Variants in SPAG16 observed in about 807,000 individuals in gnomAD.
SPAG16 encodes the protein sperm-associated antigen 16 protein.
A neutral mutation model predicts 80.4 loss-of-function variants in SPAG16; 86 were observed. The observed-to-expected ratio is 1.07, with a 90% CI of 0.90 to 1.28. The LOEUF (loss-of-function observed/expected upper bound fraction) is 1.28, where lower values mean the gene tolerates loss of function less well. Among genes scored for constraint, SPAG16 ranks in the 50% most tolerant of loss-of-function variants. The pLI is 0.00. For missense variants in SPAG16, 870 were observed against 765.3 expected (o/e 1.14, Z -1.61); for synonymous variants, 294 against 265.9 (o/e 1.11, Z -1.03).
At chr2:213,961,839 T>A (rs979402308) in intron 12 of SPAG16, among the ~76,000 whole-genome samples, 1 of 151,948 alleles carries the variant, frequency 6.6e-6, no homozygotes, top group South Asian at 2.1e-4. Flanking sequence ...TGATCTATGG[T>A]TTTTTTTCTT....
Position 214,277,593 on chromosome 2 carries a change from G to C in SPAG16, c.1720+128327G>C, listed in dbSNP as rs557486948. Among the ~76,000 whole-genome samples, 3 of 149,540 alleles carry C rather than the reference G, an allele frequency of 2.0e-5. No individual in the cohort carries two copies. The South Asian group carries it at 6.4e-4, about 32-fold the overall frequency. On this transcript the variant is annotated intron_variant, in intron 15 of 15. Transcript: ENST00000331683. ...TTGCTGGAGGTCCACTCCAGACCCTGTTTGCCTGGGTATCACCAGCGGAGG... is the reference window on the plus strand; with the variant it reads ...TTGCTGGAGGTCCACTCCAGACCCTCTTTGCCTGGGTATCACCAGCGGAGG...
At chr2:213,824,645 C>CT (rs1460711949) in intron 10 of SPAG16, among the ~76,000 whole-genome samples, 1 of 152,030 alleles carries the variant, frequency 6.6e-6, no homozygotes, top group African/African-American at 2.4e-5. Flanking sequence ...TACTTTAGGT[C>CT]TGTAGTATAG....
chr2:214,205,470 A>G (rs905775125), intron 15 of SPAG16, among the ~76,000 whole-genome samples: 1 of 152,210 alleles, frequency 6.6e-6, no homozygotes, highest in Non-Finnish European at 1.5e-5. Context: ...TCAATTTTAT[A>G]TTTGTGACTT....
intron 12 of SPAG16, among the ~76,000 whole-genome samples, chr2:214,011,834 C>T (rs1490766452): frequency 6.6e-6 from 1 of 152,028 alleles, no homozygotes; most frequent in African/African-American, 2.4e-5. Flanking sequence ...TATTCATATA[C>T]ATGCAAATTT....
At chr2:213,353,859 A>C (rs1014270228) in intron 7 of SPAG16, among the ~76,000 whole-genome samples, 1 of 152,140 alleles carries the variant, frequency 6.6e-6, no homozygotes, top group South Asian at 2.1e-4. Context: ...CACCCTAAAA[A>C]TATCCCAATT....
intron 6 of SPAG16, among the ~76,000 whole-genome samples, chr2:213,344,643 C>T (rs1238061350): frequency 6.6e-6 from 1 of 151,936 alleles, no homozygotes; most frequent in Non-Finnish European, 1.5e-5. Context: ...GGTTTTTTGT[C>T]CTTGCAATAG....
rs537528227 is a variant in SPAG16 at position 213,940,105 on chromosome 2, T to A, written c.1400+9960T>A. Among the ~76,000 whole-genome samples the A allele has an allele frequency of 2.0e-5, 3 of 152,310 alleles. No homozygotes were observed. The South Asian group carries it at 6.2e-4, about 32-fold the overall frequency. Reference sequence around the variant, plus strand: ...ATGCATTTGAAAAGGTACAAAATTTTAAACTAGAAACACAAAACATATAAT... The same window carrying A: ...ATGCATTTGAAAAGGTACAAAATTTAAAACTAGAAACACAAAACATATAAT... On this transcript the variant is annotated intron_variant, in intron 12 of 15. Coordinates refer to ENST00000331683, the MANE Select transcript of SPAG16 (RefSeq NM_024532.5).
At chr2:213,698,462 A>G (rs1055729278) in intron 10 of SPAG16, among the ~76,000 whole-genome samples, 1 of 152,020 alleles carries the variant, frequency 6.6e-6, no homozygotes, top group Non-Finnish European at 1.5e-5. Flanking sequence ...AGGTCTCACC[A>G]TGTTGCCCAG....
At chr2:214,396,777 TTTC>T (rs767669799) in intron 15 of SPAG16, among the ~76,000 whole-genome samples, 4 of 152,126 alleles carry the variant, frequency 2.6e-5, no homozygotes, top group Non-Finnish European at 4.4e-5. Flanking sequence ...TTAAAAATGA[TTTC>T]TTTAGAAATA....
rs541785557 is a variant in SPAG16 at position 213,950,537 on chromosome 2, C to T, written c.1400+20392C>T. The stretch of plus-strand genomic sequence containing the variant: ...AAAGGTGTGTGGGGCATTGTACTAA[C>T]ATCAGTAGCTTCTAAATTGCCTTTG... On this transcript the variant is annotated intron_variant, in intron 12 of 15. Coordinates refer to ENST00000331683, the MANE Select transcript of SPAG16 (RefSeq NM_024532.5). Among the ~76,000 whole-genome samples, 29 of 152,194 alleles carry T rather than the reference C, an allele frequency of 1.9e-4. No homozygotes were observed. The South Asian group carries it at 6.0e-3, about 32-fold the overall frequency.
chr2:214,066,482 A>G (rs920505639), intron 13 of SPAG16, among the ~76,000 whole-genome samples: 1 of 152,112 alleles, frequency 6.6e-6, no homozygotes, highest in African/African-American at 2.4e-5. Flanking sequence ...ACTTATACCT[A>G]CATTTATTGC....
chr2:213,585,013 AC>A (rs200556981), intron 10 of SPAG16, among the ~76,000 whole-genome samples: 6,920 of 151,896 alleles, frequency 0.046, 233 homozygotes, highest in Middle Eastern at 0.075. Flanking sequence ...ACATGGCGAA[AC>A]CCCATCTCTA....
intron 9 of SPAG16, among the ~76,000 whole-genome samples, chr2:213,441,104 A>G (rs578121613): frequency 1.1e-4 from 17 of 152,340 alleles, no homozygotes; most frequent in Non-Finnish European, 2.5e-4. Context: ...ATATGCATAC[A>G]TTATAATACA....
At chr2:213,857,645 A>G (rs961473307) in intron 10 of SPAG16, among the ~76,000 whole-genome samples, 3 of 152,176 alleles carry the variant, frequency 2.0e-5, no homozygotes, top group Non-Finnish European at 2.9e-5. Context: ...AAGGAGACAA[A>G]TGTTATTTTC....
In SPAG16 at chr2:213,473,750, C is replaced by T. The variant is rs186730348; in HGVS notation, c.943-16213C>T. On this transcript the variant is annotated intron_variant, in intron 9 of 15. Coordinates refer to ENST00000331683, the MANE Select transcript of SPAG16 (RefSeq NM_024532.5). The stretch of plus-strand genomic sequence containing the variant: ...CTATGTTTCTTCCACTATTATCCCA[C>T]ACCCTTAATATCCATTCCCATGCCT... 6.4e-3 allele frequency among the ~76,000 whole-genome samples: 979 copies of T among 152,324 alleles called. 3 individuals carry two copies. Among genetic ancestry groups the T allele is most frequent in the Non-Finnish European group, 0.011 (736 of 68,022 alleles).
At chr2:213,601,944 A>C (rs2061079885) in intron 10 of SPAG16, among the ~76,000 whole-genome samples, 1 of 152,222 alleles carries the variant, frequency 6.6e-6, no homozygotes, top group South Asian at 2.1e-4. Flanking sequence ...GTTCTACCTG[A>C]AGTCATCAGG....
intron 10 of SPAG16, among the ~76,000 whole-genome samples, chr2:213,643,014 ATACT>A (rs1164583175): frequency 2.0e-5 from 3 of 148,862 alleles, no homozygotes; most frequent in Non-Finnish European, 4.4e-5. Flanking sequence ...ATGTGAGTTA[ATACT>A]TAATAAACTC....
At chr2:213,505,214 T>C (rs936218318) in intron 10 of SPAG16, among the ~76,000 whole-genome samples, 3 of 152,196 alleles carry the variant, frequency 2.0e-5, no homozygotes, top group African/African-American at 7.2e-5. Context: ...TTAAAGAGTA[T>C]TATAGAAATG....
At chr2:213,497,118 AC>A (rs1463483022) in intron 10 of SPAG16, among the ~76,000 whole-genome samples, 1 of 152,194 alleles carries the variant, frequency 6.6e-6, no homozygotes, top group East Asian at 1.9e-4. Flanking sequence ...ATATAAAGAT[AC>A]AGTCTGCTAG....
Sources: allele counts gnomAD v4.1 joint callset (sites outside exome capture counted in the v4.1 genomes callset), GRCh38; gene constraint gnomAD v4.1.1; transcripts MANE v1.5; gene names NCBI Gene and HGNC (gene_info 2026-07-23, HGNC 2026-07-21).